MSRA: variants seen among roughly 807,000 people sequenced by gnomAD.
MSRA encodes the protein methionine sulfoxide reductase A, also known as mitochondrial peptide methionine sulfoxide reductase.
MSRA carries 54 observed loss-of-function variants against 31.3 expected under a neutral mutation model. The observed-to-expected ratio is 1.73, with a 90% CI of 1.39 to 2.17. MSRA has a LOEUF of 2.17. MSRA is among the 30% of genes most tolerant of loss of function. MSRA has a pLI of 0.00. For synonymous variants in MSRA, 169 were observed against 116.5 expected (o/e 1.45, Z -2.90); for missense variants, 507 against 300.9 (o/e 1.69, Z -5.07).
At chr8:10,402,364 G>C (rs1807519159) in intron 5 of MSRA, among the ~76,000 whole-genome samples, 1 of 152,264 alleles carries the variant, frequency 6.6e-6, no homozygotes, top group South Asian at 2.1e-4. Context: ...CTCTGATGCT[G>C]AACGCCAAAT....
At chr8:10,266,650 C>G (rs546185352) in intron 3 of MSRA, among the ~76,000 whole-genome samples, 1 of 151,770 alleles carries the variant, frequency 6.6e-6, no homozygotes, top group Non-Finnish European at 1.5e-5. Flanking sequence ...TATCTAAGAA[C>G]TATTTGTCTA....
chr8:10,188,605 G>A, intron 1 of MSRA, among the ~76,000 whole-genome samples: 1 of 152,136 alleles, frequency 6.6e-6, no homozygotes, highest in East Asian at 1.9e-4. Context: ...TAAGAGTTGG[G>A]GTTTATTTTG....
intron 2 of MSRA, among the ~76,000 whole-genome samples, chr8:10,239,274 G>A (rs1026328412): frequency 6.6e-6 from 1 of 152,000 alleles, no homozygotes; most frequent in African/African-American, 2.4e-5. Flanking sequence ...CAATTCTTCT[G>A]CCTCAGCCTC....
At chr8:10,059,617 A>T (rs1370493184) in intron 1 of MSRA, among the ~76,000 whole-genome samples, 1 of 152,214 alleles carries the variant, frequency 6.6e-6, no homozygotes, top group Non-Finnish European at 1.5e-5. Context: ...GATAAATTAG[A>T]TTATATCACA....
intron 5 of MSRA, among the ~76,000 whole-genome samples, chr8:10,330,067 G>A (rs556983662): frequency 6.8e-6 from 1 of 146,458 alleles, no homozygotes; most frequent in Non-Finnish European, 1.5e-5. Context: ...TTGGATGTTT[G>A]GCAAGAGTGG....
intron 3 of MSRA, among the ~76,000 whole-genome samples, chr8:10,264,889 G>C (rs1050766857): frequency 6.6e-6 from 1 of 152,140 alleles, no homozygotes; most frequent in Non-Finnish European, 1.5e-5. Context: ...GCAGGGTGGG[G>C]GTCAGGTTGG....
At chr8:10,217,431 C>G (rs1238106879) in intron 2 of MSRA, among the ~76,000 whole-genome samples, 1 of 152,144 alleles carries the variant, frequency 6.6e-6, no homozygotes, top group East Asian at 1.9e-4. Context: ...AAGTTAATTG[C>G]GTTGTATCTA....
chr8:10,415,752 C>A (rs1808420826), intron 5 of MSRA, among the ~76,000 whole-genome samples: 1 of 151,824 alleles, frequency 6.6e-6, no homozygotes. Context: ...CACCTCATTA[C>A]CCCCAACCCC....
At chr8:10,390,994 C>T (rs954501938) in intron 5 of MSRA, among the ~76,000 whole-genome samples, 2 of 124,498 alleles carry the variant, frequency 1.6e-5, no homozygotes, top group East Asian at 4.1e-4. Context: ...AAAAAAAAAA[C>T]AGCACAAGGT....
chr8:10,405,120 G>A (rs938935075), intron 5 of MSRA, among the ~76,000 whole-genome samples: 6 of 152,188 alleles, frequency 3.9e-5, no homozygotes, highest in African/African-American at 1.4e-4. Context: ...AAGTGCACCG[G>A]AAGCCTGTTC....
rs139380990 is a variant in MSRA, at chr8:10,076,053, G to A, written c.142+21395G>A. On this transcript the variant is annotated intron_variant, in intron 1 of 5. Coordinates refer to ENST00000317173, the MANE Select transcript of MSRA (RefSeq NM_012331.5). ...TTGGTGGAAAGCACAGGGACTTCACGTCTGGACTGCGAGTCAGAGCTGTGC... is the reference window on the plus strand; with the variant it reads ...TTGGTGGAAAGCACAGGGACTTCACATCTGGACTGCGAGTCAGAGCTGTGC... 1.8e-3 allele frequency among the ~76,000 whole-genome samples: 278 copies of A among 152,152 alleles called. 2 individuals are homozygous for A. The highest frequency in any genetic ancestry group is 6.3e-3 in the African/African-American group (263 of 41,536).
Position 10,201,341 on chromosome 8 carries a change from C to T in MSRA, c.143-6492C>T, listed in dbSNP as rs549906648. Among the ~76,000 whole-genome samples the T allele has an allele frequency of 2.6e-5, 4 of 152,198 alleles. No individual in the cohort carries two copies. In the South Asian group the frequency reaches 8.3e-4, roughly 32 times the overall value. On this transcript the variant is annotated intron_variant, in intron 1 of 5. Transcript: ENST00000317173. The stretch of plus-strand genomic sequence containing the variant: ...TTGTACTTCTTGATGACCGGCAGTT[C>T]TGAGAGTTTAGTCTGATCCAAGACT...
intron 2 of MSRA, among the ~76,000 whole-genome samples, chr8:10,212,624 A>T (rs557587284): frequency 6.6e-6 from 1 of 152,226 alleles, no homozygotes; most frequent in Non-Finnish European, 1.5e-5. Flanking sequence ...TGATACTTCA[A>T]TAAGAGTGAG....
At chr8:10,360,701 G>T (rs983965438) in intron 5 of MSRA, among the ~76,000 whole-genome samples, 2 of 152,200 alleles carry the variant, frequency 1.3e-5, no homozygotes, top group African/African-American at 4.8e-5. Flanking sequence ...CTGGGCTTTT[G>T]GTATTACATC....
At chr8:10,352,593 C>T (rs1390973309) in intron 5 of MSRA, among the ~76,000 whole-genome samples, 6 of 152,044 alleles carry the variant, frequency 3.9e-5, no homozygotes, top group Non-Finnish European at 5.9e-5. Flanking sequence ...GTTCTTTTAA[C>T]GCTTTCCTGA....
At chr8:10,223,303 C>T (rs1810690223) in intron 2 of MSRA, among the ~76,000 whole-genome samples, 1 of 152,152 alleles carries the variant, frequency 6.6e-6, no homozygotes, top group Non-Finnish European at 1.5e-5. Flanking sequence ...AGTTGAGAAG[C>T]ACTTCAGATT....
chr8:10,148,801 CAAA>C (rs372289649), intron 1 of MSRA, among the ~76,000 whole-genome samples: 53 of 89,062 alleles, frequency 6.0e-4, no homozygotes, highest in Admixed American at 7.0e-4. Context: ...GACCCTGTCG[CAAA>C]AAAAAAAAAA....
At position 10,182,806 on chromosome 8, in the gene MSRA, A is replaced by G. The variant is rs1193183706; in HGVS notation, c.143-25027A>G. 3.3e-5 allele frequency among the ~76,000 whole-genome samples: 5 copies of G among 152,120 alleles called. 1 individual carries two copies. In the South Asian group the frequency reaches 1.0e-3, roughly 32 times the overall value. On this transcript the variant is annotated intron_variant, in intron 1 of 5. Transcript: ENST00000317173. ...CCTGCTTCATCAAAGCACCAGAGAGAGTGTCCTAGTCACAGTGCTTTGTAA... is the reference window on the plus strand; with the variant it reads ...CCTGCTTCATCAAAGCACCAGAGAGGGTGTCCTAGTCACAGTGCTTTGTAA...
chr8:10,407,849 C>T (rs1807913879), intron 5 of MSRA, among the ~76,000 whole-genome samples: 1 of 152,158 alleles, frequency 6.6e-6, no homozygotes, highest in African/African-American at 2.4e-5. Context: ...AATGCCTATT[C>T]TACCTGGTAA....
Sources: gnomAD v4.1 joint callset for allele counts (sites outside exome capture counted in the v4.1 genomes callset) on GRCh38, gnomAD v4.1.1 for gene constraint, MANE v1.5 for transcripts, NCBI Gene and HGNC (gene_info 2026-07-23, HGNC 2026-07-21) for gene names.